The following ELF2 variants were observed in gnomAD, a reference collection of about 807,000 sequenced individuals.
The protein encoded by ELF2 is E74 like ETS transcription factor 2.
Under a neutral mutation model 54.8 loss-of-function variants are expected in ELF2, and 11 were observed. That is an observed-to-expected ratio of 0.20 (90% CI 0.13 to 0.33). The LOEUF (loss-of-function observed/expected upper bound fraction) is 0.33. ELF2 is among the 10% of genes least tolerant of loss of function. The pLI, the probability that ELF2 is intolerant of heterozygous loss-of-function variation, is 1.00. For synonymous variants in ELF2, 203 were observed against 245.1 expected (o/e 0.83, Z 1.61); for missense variants, 513 against 703.0 (o/e 0.73, Z 3.06).
chr4:139,067,851 C>T, intron 6 of ELF2, 81 bp from the exon 7 acceptor site: 4 of 1,316,916 alleles, frequency 3.0e-6, no homozygotes, highest in Non-Finnish European at 3.2e-6. Flanking sequence ...TCTGATTACA[C>T]ATTATTCATT....
chr4:139,166,456 T>C (rs555792971), intron 1 of ELF2, among the ~76,000 whole-genome samples: 6 of 152,194 alleles, frequency 3.9e-5, no homozygotes, highest in Non-Finnish European at 5.9e-5. Context: ...TGGAAAAGAT[T>C]TGTACGCTTA....
At chr4:139,094,238 G>T (rs890973869) in intron 4 of ELF2, among the ~76,000 whole-genome samples, 2 of 152,118 alleles carry the variant, frequency 1.3e-5, no homozygotes, top group Non-Finnish European at 2.9e-5. Context: ...AAGATAACTG[G>T]AAAGACAAAA....
rs551979837 is a variant in ELF2, at chr4:139,176,664, G to C, written c.-252+303C>G. Among the ~76,000 whole-genome samples the C allele has an allele frequency of 6.1e-4, 93 of 152,198 alleles. 2 individuals are homozygous for C. In the South Asian group the frequency reaches 0.019, roughly 32 times the overall value. ...CGGCCCATCCCCCCCGCCGGGGTCTGTAACCTCTTCCCTCAGCCCTGCCCC... is the reference window on the plus strand; with the variant it reads ...CGGCCCATCCCCCCCGCCGGGGTCTCTAACCTCTTCCCTCAGCCCTGCCCC... On this transcript the variant is annotated intron_variant, in intron 1 of 9. Coordinates refer to ENST00000686138, the MANE Select transcript of ELF2 (RefSeq NM_001331036.3).
At chr4:139,116,409 A>C (rs1316001349) in intron 4 of ELF2, among the ~76,000 whole-genome samples, 1 of 152,188 alleles carries the variant, frequency 6.6e-6, no homozygotes, top group Non-Finnish European at 1.5e-5. Flanking sequence ...AGTAGCTTCC[A>C]AGGAAGTAGA....
At chr4:139,115,821 GTTTT>G (rs1368298076) in intron 4 of ELF2, among the ~76,000 whole-genome samples, 1 of 152,094 alleles carries the variant, frequency 6.6e-6, no homozygotes, top group Non-Finnish European at 1.5e-5. Flanking sequence ...AAATGGAATA[GTTTT>G]TTGTTGTTGT....
chr4:139,063,440 T>C (rs1728185911), intron 7 of ELF2, among the ~76,000 whole-genome samples: 1 of 152,190 alleles, frequency 6.6e-6, no homozygotes. Context: ...TCCTTAAAAT[T>C]AGTCAAGTAT....
At chr4:139,106,416 T>C (rs1359174516) in intron 4 of ELF2, among the ~76,000 whole-genome samples, 1 of 152,150 alleles carries the variant, frequency 6.6e-6, no homozygotes, top group Non-Finnish European at 1.5e-5. Flanking sequence ...GTTAAAATAA[T>C]ACATGGGTGA....
intron 1 of ELF2, among the ~76,000 whole-genome samples, chr4:139,170,423 C>T (rs1349751948): frequency 1.3e-5 from 2 of 151,462 alleles, no homozygotes; most frequent in African/African-American, 4.9e-5. Context: ...ACCACCACAC[C>T]CGGCTAATTT....
intron 1 of ELF2, among the ~76,000 whole-genome samples, chr4:139,152,828 TTA>T (rs143443085): frequency 0.015 from 2,188 of 148,628 alleles, 19 homozygotes; most frequent in East Asian, 0.04. Context: ...AACAGGAATT[TTA>T]TATATATATA....
intron 2 of ELF2, 104 bp downstream of exon 2, chr4:139,139,309 C>T (rs1738483920): frequency 1.8e-6 from 1 of 569,412 alleles, no homozygotes; most frequent in East Asian, 3.9e-5. Flanking sequence ...GTCTTTGTAT[C>T]TTAAGAAGAA....
chr4:139,145,558 T>C (rs1739145314), intron 1 of ELF2, among the ~76,000 whole-genome samples: 1 of 152,184 alleles, frequency 6.6e-6, no homozygotes, highest in South Asian at 2.1e-4. Flanking sequence ...ATCACCCTGA[T>C]ACCAAAGCCA....
Position 139,125,297 on chromosome 4 carries a change from C to T in ELF2, c.105G>A (p.Val35=). ...TGGCACTTGGAACTGGCTCCACAAT[C>T]ACTGCTGGATATTCAGAAACCTTTT... ...ESEKVSEYPA[V]IVEPVPSARL... The change falls in exon 4 of 10, where the codon GTG becomes GTA. Residue 35 remains valine, a synonymous_variant. Coordinates refer to ENST00000686138, the MANE Select transcript of ELF2 (RefSeq NM_001331036.3). 6.2e-7 allele frequency: 1 copy of T among 1,613,408 alleles called. No individual in the cohort carries two copies. The highest frequency in any genetic ancestry group is 1.7e-5 in the Admixed American group (1 of 59,680).
chr4:139,115,556 T>C (rs148106230), intron 4 of ELF2, among the ~76,000 whole-genome samples: 394 of 151,864 alleles, frequency 2.6e-3, no homozygotes, highest in Middle Eastern at 6.8e-3. Context: ...TGGATTTCTA[T>C]ACCACAACTC....
chr4:139,135,128 A>T (rs1381700724), intron 3 of ELF2, among the ~76,000 whole-genome samples: 2 of 151,012 alleles, frequency 1.3e-5, no homozygotes, highest in Non-Finnish European at 1.5e-5. Context: ...TTAAATATTT[A>T]TTTTTTCTTC....
At chr4:139,176,473 G>C (rs959100527) in intron 1 of ELF2, among the ~76,000 whole-genome samples, 2 of 151,630 alleles carry the variant, frequency 1.3e-5, no homozygotes, top group African/African-American at 2.4e-5. Flanking sequence ...CCCAGCCCCG[G>C]CGCCGGCCGC....
chr4:139,175,898 G>A (rs1742859360), intron 1 of ELF2, among the ~76,000 whole-genome samples: 1 of 152,208 alleles, frequency 6.6e-6, no homozygotes, highest in Non-Finnish European at 1.5e-5. Context: ...AGTCCATCCA[G>A]GATGCTGGCA....
At chr4:139,080,184 T>C (rs1730901333) in intron 4 of ELF2, among the ~76,000 whole-genome samples, 1 of 152,232 alleles carries the variant, frequency 6.6e-6, no homozygotes, top group Admixed American at 6.5e-5. Flanking sequence ...TCTGATTGGC[T>C]ATTTACACAC....
intron 1 of ELF2, among the ~76,000 whole-genome samples, chr4:139,142,169 T>C (rs748423807): frequency 4.5e-4 from 68 of 152,058 alleles, no homozygotes; most frequent in Non-Finnish European, 7.4e-4. Context: ...ACCAAAGAGA[T>C]AGGGATTATT....
chr4:139,091,050 C>T (rs1217383776), intron 4 of ELF2, among the ~76,000 whole-genome samples: 1 of 152,192 alleles, frequency 6.6e-6, no homozygotes, highest in East Asian at 1.9e-4. Context: ...TCTCCTGCCT[C>T]AGCCTCCCAA....
Sources: gnomAD v4.1 joint callset for allele counts (sites outside exome capture counted in the v4.1 genomes callset) on GRCh38, gnomAD v4.1.1 for gene constraint, MANE v1.5 for transcripts, NCBI Gene and HGNC (gene_info 2026-07-23, HGNC 2026-07-21) for gene names.